The following CHD6 variants were observed in gnomAD, a reference collection of about 807,000 sequenced individuals.
CHD6 encodes ATP-dependent chromatin remodeler CHD6.
A neutral mutation model predicts 276.9 loss-of-function variants in CHD6; 50 were observed. The observed-to-expected ratio is 0.18, with a 90% CI of 0.14 to 0.23. The LOEUF (loss-of-function observed/expected upper bound fraction) is 0.23. Ranked by LOEUF, CHD6 falls within the 10% of genes least tolerant of loss-of-function variation. The pLI is 1.00. For synonymous variants in CHD6, 1,173 were observed against 1,229.3 expected (o/e 0.95, Z 0.96); for missense variants, 2,564 against 3,365.8 (o/e 0.76, Z 5.89).
chr20:41,599,773 T>C (rs1441972775), intron 1 of CHD6, among the ~76,000 whole-genome samples: 1 of 152,248 alleles, frequency 6.6e-6, no homozygotes, highest in African/African-American at 2.4e-5. Context: ...GTTTCTCTGC[T>C]TAATCTATAA....
At chr20:41,549,910 T>A (rs965600218) in intron 2 of CHD6, among the ~76,000 whole-genome samples, 1 of 152,202 alleles carries the variant, frequency 6.6e-6, no homozygotes, top group Non-Finnish European at 1.5e-5. Context: ...GTGATTCTCC[T>A]GCCTCAGCCT....
chr20:41,504,595 A>G (rs1389642482), intron 5 of CHD6, among the ~76,000 whole-genome samples: 3 of 151,836 alleles, frequency 2.0e-5, no homozygotes, highest in Non-Finnish European at 4.4e-5. Flanking sequence ...TTTTTTGTAG[A>G]GAAGGGGTTT....
chr20:41,576,690 A>G (rs947812587), intron 1 of CHD6, among the ~76,000 whole-genome samples: 2 of 152,200 alleles, frequency 1.3e-5, no homozygotes, highest in African/African-American at 4.8e-5. Flanking sequence ...GCAAAAAAAG[A>G]AACTTCAAAC....
At position 41,415,501 on chromosome 20, in the gene CHD6, G is replaced by A; in HGVS notation, c.6624C>T (p.Leu2208=). 6.2e-7 allele frequency: 1 copy of A among 1,614,032 alleles called. No homozygotes were observed. Among genetic ancestry groups the A allele is most frequent in the Non-Finnish European group, 8.5e-7 (1 of 1,179,982 alleles). Residue 2208 remains leucine, a synonymous_variant, in exon 34 of 37, where the codon CTC becomes CTT. Transcript: ENST00000373233. Reference sequence around the variant, plus strand: ...TAGCTGACTCCCCATGCCAGCCATTGAGGATGATAGGGGTGTGCCCGTGGG... The same window carrying A: ...TAGCTGACTCCCCATGCCAGCCATTAAGGATGATAGGGGTGTGCCCGTGGG... ...SATHGHTPII[L]NGWHGESAMD...
chr20:41,439,604 A>G (rs1312926024), intron 26 of CHD6, among the ~76,000 whole-genome samples: 1 of 152,046 alleles, frequency 6.6e-6, no homozygotes, highest in East Asian at 1.9e-4. Context: ...GATCTGAGGA[A>G]CTGCAGTTCA....
rs78027378 is a variant in CHD6 at position 41,597,574 on chromosome 20, C to T, written c.-24+20766G>A. ...AGGACCCCTTATCTAGTGCTCCTAA[C>T]GACTGAAACAGCAGTCTGAACCACT... On this transcript the variant is annotated intron_variant, in intron 1 of 36. Coordinates refer to ENST00000373233, the MANE Select transcript of CHD6 (RefSeq NM_032221.5). 2.1e-3 allele frequency among the ~76,000 whole-genome samples: 312 copies of T among 152,146 alleles called. 3 individuals are homozygous for T. The East Asian group carries it at 0.043, about 21-fold the overall frequency.
chr20:41,595,397 G>A (rs2045707399), intron 1 of CHD6, among the ~76,000 whole-genome samples: 4 of 152,232 alleles, frequency 2.6e-5, no homozygotes, highest in East Asian at 1.9e-4. Flanking sequence ...CTTTCCTGTC[G>A]GGGGTTTATA....
intron 2 of CHD6, among the ~76,000 whole-genome samples, chr20:41,537,475 C>A (rs2044857448): frequency 6.6e-6 from 1 of 152,130 alleles, no homozygotes; most frequent in Non-Finnish European, 1.5e-5. Context: ...AAATAAGGGA[C>A]TTGAGCATCC....
At chr20:41,544,761 CTAT>C (rs1568692130) in intron 2 of CHD6, among the ~76,000 whole-genome samples, 1 of 150,268 alleles carries the variant, frequency 6.7e-6, no homozygotes, top group African/African-American at 2.4e-5. Flanking sequence ...TGTTATGATA[CTAT>C]ATTATAATAA....
Position 41,403,444 on chromosome 20 carries a change from GA to G in CHD6, c.*1148del. 12 of 1,062,132 alleles carry G rather than the reference GA, an allele frequency of 1.1e-5. No individual in the cohort carries two copies. Among genetic ancestry groups the G allele is most frequent in the Non-Finnish European group, 1.4e-5 (12 of 877,332 alleles). The allele number at this position is 1,062,132 out of a possible 1,614,324, so 65.8% of individuals were successfully genotyped here. ...CTGAGGAAGAAGAGAAAATAATGTT[GA>G]CTTGCAATGTAGTTTCGATTAACTG... On this transcript the variant is annotated 3_prime_UTR_variant, in exon 37 of 37. Transcript: ENST00000373233.
At chr20:41,412,614 G>A (rs118056918) in intron 35 of CHD6, among the ~76,000 whole-genome samples, 5 of 152,264 alleles carry the variant, frequency 3.3e-5, no homozygotes, top group Non-Finnish European at 7.3e-5. Context: ...GGCTGGTTTC[G>A]CCTGTCTCTG....
chr20:41,569,088 T>C (rs1019838045), intron 1 of CHD6, among the ~76,000 whole-genome samples: 9 of 152,160 alleles, frequency 5.9e-5, no homozygotes, highest in Admixed American at 4.6e-4. Context: ...GGACATGGCA[T>C]GAGGTGACCA....
chr20:41,417,064 ATAAC>A (rs752080432), intron 32 of CHD6, 130 bp downstream of exon 32: 3 of 842,982 alleles, frequency 3.6e-6, no homozygotes, highest in South Asian at 1.8e-5. Flanking sequence ...CAAATGCTAC[ATAAC>A]TAATATCTTT....
chr20:41,563,471 A>C (rs994248618), intron 1 of CHD6, among the ~76,000 whole-genome samples: 3 of 152,224 alleles, frequency 2.0e-5, no homozygotes, highest in Admixed American at 6.5e-5. Context: ...ACATTCGCAC[A>C]ATCAGAACTG....
At chr20:41,442,425 CTGAG>C (rs1190617061) in intron 25 of CHD6, among the ~76,000 whole-genome samples, 2 of 152,176 alleles carry the variant, frequency 1.3e-5, no homozygotes, top group African/African-American at 4.8e-5. Context: ...GTACTCCAGC[CTGAG>C]TGACAGAGTG....
chr20:41,490,011 T>C lies in CHD6; in HGVS notation c.1447A>G (p.Ile483Val). The C allele has an allele frequency of 2.5e-6, 4 of 1,613,284 alleles. No homozygotes were observed. The highest frequency in any genetic ancestry group is 3.4e-6 in the Non-Finnish European group (4 of 1,179,216). The part of the protein sequence containing the change: ...LFNWYNRKNC[I>V]LADEMGLGKT... ...CCTAGGCCCATCTCATCAGCCAAAA[T>C]ACAGTTTTTTCTGCAGAGAGTGAGA... is the stretch of plus-strand genomic sequence containing the variant. Residue 483 changes from isoleucine (I) to valine (V), a missense_variant, in exon 12 of 37, where the codon ATT becomes GTT. This residue lies in a region of CHD6 where 457 missense variants were observed against 889.0 expected (regional missense o/e 0.51). Coordinates refer to ENST00000373233, the MANE Select transcript of CHD6 (RefSeq NM_032221.5).
intron 17 of CHD6, among the ~76,000 whole-genome samples, chr20:41,458,271 CTCTT>C (rs1468120712): frequency 4.6e-5 from 7 of 152,198 alleles, no homozygotes; most frequent in Non-Finnish European, 8.8e-5. Context: ...ATATTTGATT[CTCTT>C]TATTTAATCA....
At position 41,575,279 on chromosome 20, in the gene CHD6, T is replaced by C. The variant is rs142223527; in HGVS notation, c.-23-23919A>G. The stretch of plus-strand genomic sequence containing the variant: ...TTGTTTCATTCTTTCCTTGCTTTGT[T>C]TGTACATTTTGTTCAATTCTTTCCT... On this transcript the variant is annotated intron_variant, in intron 1 of 36. Coordinates refer to ENST00000373233, the MANE Select transcript of CHD6 (RefSeq NM_032221.5). Among the ~76,000 whole-genome samples, 10 of 152,362 alleles carry C rather than the reference T, an allele frequency of 6.6e-5. No homozygotes were observed. In the East Asian group the frequency reaches 9.6e-4, roughly 15 times the overall value.
chr20:41,498,614 T>G lies in CHD6; in HGVS notation c.916-388A>C, dbSNP rs955146834. ...GGTAGTCACTCTCCAAGTAAGGAAG[T>G]TTACTTTCATAAATTCTTGAAGTAA... On this transcript the variant is annotated intron_variant, in intron 6 of 36. Transcript: ENST00000373233. 3.9e-5 allele frequency among the ~76,000 whole-genome samples: 6 copies of G among 152,032 alleles called. No individual in the cohort carries two copies. The South Asian group carries it at 1.2e-3, about 32-fold the overall frequency.
Sources: gnomAD v4.1 joint callset for allele counts (sites outside exome capture counted in the v4.1 genomes callset) on GRCh38, gnomAD v4.1.1 for gene constraint, gnomAD v4.1.1 regional missense constraint, MANE v1.5 for transcripts, NCBI Gene and HGNC (gene_info 2026-07-23, HGNC 2026-07-21) for gene names.